Variants in VSTM5 observed in about 807,000 individuals in gnomAD.
VSTM5 encodes the protein V-set and transmembrane domain-containing protein 5.
A neutral mutation model predicts 20.3 loss-of-function variants in VSTM5; 21 were observed. The ratio of observed to expected loss-of-function variants is 1.03; its 90% CI spans 0.73 to 1.49. The LOEUF is 1.49. Ranked by LOEUF, VSTM5 falls within the 40% of genes most tolerant of loss-of-function variation. The pLI is 0.00. For missense variants in VSTM5, 219 were observed against 250.0 expected, an observed-to-expected ratio of 0.88 and a Z score of 0.84; for synonymous variants, 100 against 102.5, an observed-to-expected ratio of 0.98 and a Z score of 0.14.
chr11:93,838,396 C>T (rs1052512465), intron 1 of VSTM5, among the ~76,000 whole-genome samples: 5 of 151,952 alleles, frequency 3.3e-5, no homozygotes, highest in Admixed American at 6.6e-5. Context: ...CGCTTGAACC[C>T]GGAAGGCAGA....
intron 1 of VSTM5, among the ~76,000 whole-genome samples, chr11:93,826,641 C>T (rs183413638): frequency 2.6e-5 from 4 of 151,980 alleles, no homozygotes; most frequent in African/African-American, 4.8e-5. Context: ...CCTCGTGATC[C>T]GCCCGCCTCA....
chr11:93,834,560 T>C (rs1386709184), intron 1 of VSTM5, among the ~76,000 whole-genome samples: 2 of 151,222 alleles, frequency 1.3e-5, no homozygotes, highest in East Asian at 3.9e-4. Context: ...ATGGATTGTT[T>C]GAGGCCAGGA....
intron 1 of VSTM5, among the ~76,000 whole-genome samples, chr11:93,828,566 G>C (rs543355273): frequency 4.6e-5 from 7 of 152,240 alleles, no homozygotes; most frequent in Non-Finnish European, 1.0e-4. Flanking sequence ...TGTTGAGATG[G>C]CAAGAATATA....
intron 1 of VSTM5, among the ~76,000 whole-genome samples, chr11:93,839,714 A>G (rs1055316269): frequency 3.9e-5 from 6 of 152,200 alleles, no homozygotes; most frequent in Admixed American, 3.9e-4. Context: ...GGTTGGTTCC[A>G]TTCAGACCTG....
At chr11:93,850,202 C>G (rs11020540) in intron 1 of VSTM5, among the ~76,000 whole-genome samples, 1 of 151,850 alleles carries the variant, frequency 6.6e-6, no homozygotes, top group Non-Finnish European at 1.5e-5. Context: ...CTTTGCCCAG[C>G]CCCTCCCGCT....
At chr11:93,834,641 G>T (rs909251062) in intron 1 of VSTM5, among the ~76,000 whole-genome samples, 3 of 151,958 alleles carry the variant, frequency 2.0e-5, no homozygotes, top group Admixed American at 6.6e-5. Context: ...AAATTAGCCG[G>T]ATGTGATGAT....
chr11:93,848,510 C>A (rs1395796385), intron 1 of VSTM5, among the ~76,000 whole-genome samples: 1 of 152,214 alleles, frequency 6.6e-6, no homozygotes, highest in Non-Finnish European at 1.5e-5. Flanking sequence ...GTACACCCTG[C>A]ATTCCCTTTG....
intron 1 of VSTM5, among the ~76,000 whole-genome samples, chr11:93,850,025 T>C (rs1944445523): frequency 6.6e-6 from 1 of 152,242 alleles, no homozygotes; most frequent in African/African-American, 2.4e-5. Context: ...GACTGCAATC[T>C]GGTTATTCCA....
intron 1 of VSTM5, among the ~76,000 whole-genome samples, chr11:93,847,913 T>C (rs1944427014): frequency 6.6e-6 from 1 of 152,220 alleles, no homozygotes; most frequent in South Asian, 2.1e-4. Context: ...CTTGCTAATA[T>C]GCATTTTCTT....
intron 1 of VSTM5, among the ~76,000 whole-genome samples, chr11:93,827,105 C>T (rs1038698609): frequency 1.3e-5 from 2 of 152,102 alleles, no homozygotes; most frequent in Admixed American, 6.5e-5. Context: ...TATAACAGGC[C>T]GGACACGGTG....
intron 1 of VSTM5, among the ~76,000 whole-genome samples, chr11:93,829,162 G>C (rs557173861): frequency 6.6e-6 from 1 of 152,276 alleles, no homozygotes; most frequent in South Asian, 2.1e-4. Context: ...AACTGCCCCA[G>C]TTTGTCCAGG....
chr11:93,842,010 A>T (rs1035123773), intron 1 of VSTM5, among the ~76,000 whole-genome samples: 6 of 152,204 alleles, frequency 3.9e-5, no homozygotes, highest in African/African-American at 1.4e-4. Context: ...AGTCTCTGTT[A>T]TGGTACCTAG....
At chr11:93,822,691 T>C (rs1944198644) in intron 1 of VSTM5, among the ~76,000 whole-genome samples, 1 of 152,084 alleles carries the variant, frequency 6.6e-6, no homozygotes, top group Non-Finnish European at 1.5e-5. Context: ...GGTTTTGTCA[T>C]GTTGGCCAGG....
At chr11:93,845,196 G>A (rs1408056875) in intron 1 of VSTM5, among the ~76,000 whole-genome samples, 5 of 152,216 alleles carry the variant, frequency 3.3e-5, no homozygotes, top group African/African-American at 1.2e-4. Flanking sequence ...CTCAGAGATA[G>A]TGATCTAATT....
intron 1 of VSTM5, 168 bp from the exon 2 acceptor site, chr11:93,821,491 C>T: frequency 3.0e-6 from 2 of 663,028 alleles, no homozygotes; most frequent in Non-Finnish European, 5.1e-6. Context: ...AGACACAAGG[C>T]TCCCTGGAGA....
intron 1 of VSTM5, among the ~76,000 whole-genome samples, chr11:93,837,810 G>T (rs1202986536): frequency 6.6e-6 from 1 of 152,088 alleles, no homozygotes. Flanking sequence ...ATAATACATG[G>T]TGTGCCTCAG....
chr11:93,841,549 T>G (rs915833584), intron 1 of VSTM5, among the ~76,000 whole-genome samples: 1 of 152,142 alleles, frequency 6.6e-6, no homozygotes, highest in African/African-American at 2.4e-5. Flanking sequence ...AGGTGATCAC[T>G]GAACCAGATT....
chr11:93,820,293 G>A lies in VSTM5; in HGVS notation c.*276C>T. ...AGCCAACGCCTGCACTCACCCATTG[G>A]TTATGTGTCAGCACGGCCCTGATGC... On this transcript the variant is annotated 3_prime_UTR_variant, in exon 4 of 4. Transcript: ENST00000409977. 2.1e-6 allele frequency: 1 copy of A among 475,278 alleles called. No individual in the cohort carries two copies. The highest frequency in any genetic ancestry group is 3.8e-6 in the Non-Finnish European group (1 of 260,522). 29.4% of individuals were successfully genotyped at this position (475,278 alleles called of 1,614,324 possible).
At chr11:93,837,973 G>A (rs1294682858) in intron 1 of VSTM5, among the ~76,000 whole-genome samples, 1 of 151,174 alleles carries the variant, frequency 6.6e-6, no homozygotes, top group Non-Finnish European at 1.5e-5. Flanking sequence ...GCAGAGGGTG[G>A]CACAGGAGGG....
Sources: allele counts gnomAD v4.1 joint callset (sites outside exome capture counted in the v4.1 genomes callset), GRCh38; gene constraint gnomAD v4.1.1; transcripts MANE v1.5; gene names NCBI Gene and HGNC (gene_info 2026-07-23, HGNC 2026-07-21).